The following IL1RAPL2 variants were observed in gnomAD, a reference collection of about 807,000 sequenced individuals.
The protein encoded by IL1RAPL2 is interleukin 1 receptor accessory protein like 2.
A neutral mutation model predicts 44.1 loss-of-function variants in IL1RAPL2; 3 were observed. The observed-to-expected ratio is 0.07, with a 90% CI of 0.03 to 0.18. The LOEUF (loss-of-function observed/expected upper bound fraction) is 0.18, where lower values mean the gene tolerates loss of function less well. Ranked by LOEUF, IL1RAPL2 falls within the 10% of genes least tolerant of loss-of-function variation. IL1RAPL2 has a pLI of 1.00. For synonymous variants in IL1RAPL2, 181 were observed against 178.8 expected, an observed-to-expected ratio of 1.01 and a Z score of -0.10; for missense variants, 391 against 496.4, an observed-to-expected ratio of 0.79 and a Z score of 2.02.
In IL1RAPL2 at chrX:105,652,448, C is replaced by A. The variant is rs367569958; in HGVS notation, c.773-64919C>A. Among the ~76,000 whole-genome samples the A allele has an allele frequency of 2.7e-5, 3 of 111,512 alleles. No homozygotes were observed. In the East Asian group the frequency reaches 8.5e-4, roughly 31 times the overall value. On this transcript the variant is annotated intron_variant, in intron 6 of 10. Coordinates refer to ENST00000372582, the MANE Select transcript of IL1RAPL2 (RefSeq NM_017416.2). Reference sequence around the variant, plus strand: ...ATGCTTTCTATTACCTGAAAATTACCATCCTCTCCAATTATCCAATCTTCT... The same window carrying A: ...ATGCTTTCTATTACCTGAAAATTACAATCCTCTCCAATTATCCAATCTTCT...
At chrX:105,519,389 G>A (rs933997980) in intron 6 of IL1RAPL2, among the ~76,000 whole-genome samples, 2 of 111,413 alleles carry the variant, frequency 1.8e-5, no homozygotes, top group Non-Finnish European at 3.8e-5. Flanking sequence ...CTTCAGAGGG[G>A]GGATGGTAAG....
intron 1 of IL1RAPL2, chrX:104,647,729 G>A: frequency 1.8e-6 from 1 of 544,846 alleles, no homozygotes; most frequent in South Asian, 2.4e-5. Flanking sequence ...GATGTGCAGT[G>A]TGATGTTGAC....
At chrX:105,169,652 C>T (rs1206437260) in intron 2 of IL1RAPL2, among the ~76,000 whole-genome samples, 1 of 106,885 alleles carries the variant, frequency 9.4e-6, no homozygotes, top group African/African-American at 3.4e-5. Context: ...CCTCAGCCTC[C>T]CAAGTAGCTG....
At chrX:104,885,599 A>T (rs1325718624) in intron 2 of IL1RAPL2, among the ~76,000 whole-genome samples, 1 of 111,834 alleles carries the variant, frequency 8.9e-6, no homozygotes, top group African/African-American at 3.3e-5. Context: ...ATCTGGAGGC[A>T]TTATTAAACC....
intron 2 of IL1RAPL2, among the ~76,000 whole-genome samples, chrX:104,890,759 T>C (rs1455239069): frequency 1.8e-5 from 2 of 112,030 alleles, no homozygotes; most frequent in Non-Finnish European, 3.8e-5. Flanking sequence ...GCCTGTTCAC[T>C]CTGATGGTAG....
At chrX:105,044,403 G>GTA (rs2031808501) in intron 2 of IL1RAPL2, among the ~76,000 whole-genome samples, 1 of 110,690 alleles carries the variant, frequency 9.0e-6, no homozygotes, top group Admixed American at 9.8e-5. Flanking sequence ...AATAAAAAGG[G>GTA]TATAACTCAT....
intron 8 of IL1RAPL2, among the ~76,000 whole-genome samples, chrX:105,747,492 ATGTGTG>A (rs748769479): frequency 1.5e-3 from 91 of 59,601 alleles, no homozygotes; most frequent in East Asian, 0.012. Context: ...GTGTGTGTGT[ATGTGTG>A]TGTGTGTGTG....
intron 2 of IL1RAPL2, among the ~76,000 whole-genome samples, chrX:104,989,758 A>T (rs2030627345): frequency 9.0e-6 from 1 of 111,316 alleles, no homozygotes; most frequent in African/African-American, 3.3e-5. Context: ...GTAAAAAAAA[A>T]TTATTTCCCA....
intron 5 of IL1RAPL2, among the ~76,000 whole-genome samples, chrX:105,291,830 C>T (rs2034614963): frequency 9.0e-6 from 1 of 111,409 alleles, no homozygotes; most frequent in South Asian, 3.8e-4. Flanking sequence ...ACAGTTGACC[C>T]TCAAAAAACA....
At chrX:104,722,274 ATT>A (rs1470010333) in intron 2 of IL1RAPL2, among the ~76,000 whole-genome samples, 2 of 111,857 alleles carry the variant, frequency 1.8e-5, no homozygotes, top group Non-Finnish European at 3.8e-5. Context: ...ATAAAATTTT[ATT>A]TATAAACAAA....
intron 2 of IL1RAPL2, among the ~76,000 whole-genome samples, chrX:105,048,426 A>T (rs957858964): frequency 3.6e-5 from 4 of 112,281 alleles, no homozygotes; most frequent in Non-Finnish European, 3.8e-5. Context: ...TGGTAACCAA[A>T]CTAAAAAATA....
At chrX:105,412,306 GTATATATATATATATATATATATA>G (rs56979628) in intron 5 of IL1RAPL2, among the ~76,000 whole-genome samples, 1 of 93,178 alleles carries the variant, frequency 1.1e-5, no homozygotes, top group Non-Finnish European at 2.2e-5. Flanking sequence ...GAAAAATGTA[GTATATATATATATATATATATATA>G]TATATATATA....
chrX:105,671,046 C>T (rs1302451266), intron 6 of IL1RAPL2, among the ~76,000 whole-genome samples: 2 of 110,344 alleles, frequency 1.8e-5, no homozygotes, highest in Non-Finnish European at 3.8e-5. Context: ...CTCCCAGGTT[C>T]AAGTGATTCT....
intron 2 of IL1RAPL2, among the ~76,000 whole-genome samples, chrX:104,918,634 A>G (rs1924536154): frequency 8.9e-6 from 1 of 112,042 alleles, no homozygotes; most frequent in East Asian, 2.8e-4. Flanking sequence ...TTCAAAATGT[A>G]AGAAAGAGAA....
At chrX:104,856,290 C>A (rs1922362940) in intron 2 of IL1RAPL2, among the ~76,000 whole-genome samples, 1 of 111,913 alleles carries the variant, frequency 8.9e-6, no homozygotes, top group East Asian at 2.8e-4. Flanking sequence ...ATTTCAGTTA[C>A]CTTGTATTCA....
intron 9 of IL1RAPL2, among the ~76,000 whole-genome samples, chrX:105,750,106 T>C (rs1378226097): frequency 9.0e-6 from 1 of 111,144 alleles, no homozygotes; most frequent in African/African-American, 3.3e-5. Flanking sequence ...TAGTGATAGA[T>C]GTAATGTCAA....
At chrX:104,804,424 C>A (rs928750877) in intron 2 of IL1RAPL2, 1 of 114,369 alleles carries the variant, frequency 8.7e-6, no homozygotes, top group South Asian at 3.0e-4. Flanking sequence ...GATGCCCAGC[C>A]CAACACCTTC....
At position 105,659,574 on chromosome X, in the gene IL1RAPL2, G is replaced by A. The variant is rs369407826; in HGVS notation, c.773-57793G>A. 3.0e-4 allele frequency among the ~76,000 whole-genome samples: 32 copies of A among 108,250 alleles called. 1 individual carries two copies. Among genetic ancestry groups the A allele is most frequent in the East Asian group, 2.9e-3 (10 of 3,417 alleles). 94.0% of individuals were successfully genotyped at this position (108,250 alleles called of 115,157 possible). On this transcript the variant is annotated intron_variant, in intron 6 of 10. Coordinates refer to ENST00000372582, the MANE Select transcript of IL1RAPL2 (RefSeq NM_017416.2). The stretch of plus-strand genomic sequence containing the variant: ...CGGGAGGCTGAGGCAGGAGAATGGC[G>A]TGAACCCGGGAGGCAGAGCTTGCAG...
intron 2 of IL1RAPL2, among the ~76,000 whole-genome samples, chrX:105,015,315 A>G (rs926903562): frequency 1.8e-5 from 2 of 111,145 alleles, no homozygotes; most frequent in South Asian, 7.5e-4. Context: ...CTTTAGTTTA[A>G]TTAGATCCCG....
Sources: allele counts gnomAD v4.1 joint callset (sites outside exome capture counted in the v4.1 genomes callset), GRCh38; gene constraint gnomAD v4.1.1; transcripts MANE v1.5; gene names NCBI Gene and HGNC (gene_info 2026-07-23, HGNC 2026-07-21).